ARHGAP12: variants seen among roughly 807,000 people sequenced by gnomAD.
ARHGAP12 encodes the protein Rho GTPase activating protein 12, also known as rho GTPase-activating protein 12.
ARHGAP12 carries 64 observed loss-of-function variants against 108.6 expected under a neutral mutation model. The observed-to-expected ratio is 0.59, with a 90% CI of 0.48 to 0.73. The LOEUF (loss-of-function observed/expected upper bound fraction) is 0.73. ARHGAP12 is among the 30% of genes least tolerant of loss of function. ARHGAP12 has a pLI of 0.00. For synonymous variants in ARHGAP12, 312 were observed against 337.2 expected, an observed-to-expected ratio of 0.93 and a Z score of 0.82; for missense variants, 940 against 1,005.9, an observed-to-expected ratio of 0.93 and a Z score of 0.89.
At position 31,862,806 on chromosome 10, in the gene ARHGAP12, G is replaced by A. The variant is rs570635635; in HGVS notation, c.685-1148C>T. Reference sequence around the variant, plus strand: ...AGACACTGATGAATGTCCCTTGGGGGCAAAACTGGCCCTAGTTGAGGAACC... The same window carrying A: ...AGACACTGATGAATGTCCCTTGGGGACAAAACTGGCCCTAGTTGAGGAACC... On this transcript the variant is annotated intron_variant, in intron 3 of 19. Coordinates refer to ENST00000344936, the MANE Select transcript of ARHGAP12 (RefSeq NM_018287.7). Among the ~76,000 whole-genome samples, 237 of 152,014 alleles carry A rather than the reference G, an allele frequency of 1.6e-3. 1 individual carries two copies. Among genetic ancestry groups the A allele is most frequent in the Middle Eastern group, 3.4e-3 (1 of 294 alleles).
intron 3 of ARHGAP12, among the ~76,000 whole-genome samples, chr10:31,883,085 C>G (rs186619170): frequency 1.3e-5 from 2 of 152,000 alleles, no homozygotes; most frequent in Non-Finnish European, 2.9e-5. Flanking sequence ...TATCTGAGGT[C>G]GGGAGTTTGA....
chr10:31,852,430 G>C, intron 6 of ARHGAP12, 87 bp downstream of exon 6: 2 of 1,062,580 alleles, frequency 1.9e-6, no homozygotes, highest in South Asian at 1.3e-5. Flanking sequence ...GTAGAATAAA[G>C]ATCTTAAAAT....
At chr10:31,871,760 A>T (rs1222284576) in intron 3 of ARHGAP12, among the ~76,000 whole-genome samples, 1 of 152,202 alleles carries the variant, frequency 6.6e-6, no homozygotes, top group Non-Finnish European at 1.5e-5. Context: ...CTGTATCTAG[A>T]CGGTTGACAG....
intron 16 of ARHGAP12, 49 bp downstream of exon 16, chr10:31,810,599 GA>G (rs1328045171): frequency 3.9e-6 from 5 of 1,281,854 alleles, no homozygotes; most frequent in Admixed American, 4.8e-5. Flanking sequence ...GGCAAAACAA[GA>G]AGCTGGTTTG....
chr10:31,835,967 TG>T (rs1262372110), intron 9 of ARHGAP12, among the ~76,000 whole-genome samples: 1 of 152,176 alleles, frequency 6.6e-6, no homozygotes, highest in African/African-American at 2.4e-5. Flanking sequence ...GCCACTGAAC[TG>T]TACCCTTTAA....
At chr10:31,843,327 C>T in intron 7 of ARHGAP12, 134 bp downstream of exon 7, 1 of 1,017,096 alleles carries the variant, frequency 9.8e-7, no homozygotes, top group Non-Finnish European at 1.4e-6. Flanking sequence ...AGATCAAAAG[C>T]TTAAATTAGT....
In ARHGAP12 at chr10:31,815,587, T is replaced by C. The variant is rs143232924; in HGVS notation, c.1732-1226A>G. On this transcript the variant is annotated intron_variant, in intron 13 of 19. Transcript: ENST00000344936. ...TTTCTATATAAATTTTAGAATAAGCTTGTCAAGTTCTACCAGAAAAACTAC... is the reference window on the plus strand; with the variant it reads ...TTTCTATATAAATTTTAGAATAAGCCTGTCAAGTTCTACCAGAAAAACTAC... 3.1e-4 allele frequency among the ~76,000 whole-genome samples: 47 copies of C among 152,340 alleles called. No individual in the cohort carries two copies. The East Asian group carries it at 8.5e-3, about 27-fold the overall frequency.
At chr10:31,847,469 C>G (rs1836505797) in intron 6 of ARHGAP12, among the ~76,000 whole-genome samples, 2 of 152,168 alleles carry the variant, frequency 1.3e-5, no homozygotes, top group Admixed American at 6.5e-5. Context: ...AGTCTGAAAC[C>G]TGGGCAGTAC....
intron 6 of ARHGAP12, among the ~76,000 whole-genome samples, chr10:31,850,012 C>A (rs1164567856): frequency 6.6e-6 from 1 of 152,080 alleles, no homozygotes; most frequent in Admixed American, 6.6e-5. Context: ...GATATTAGGC[C>A]GTCCTGGGAC....
intron 3 of ARHGAP12, among the ~76,000 whole-genome samples, chr10:31,897,510 G>A (rs1163898032): frequency 6.6e-6 from 1 of 152,094 alleles, no homozygotes; most frequent in East Asian, 1.9e-4. Context: ...CCTACCTTAA[G>A]TAGTATCTAA....
At position 31,831,728 on chromosome 10, in the gene ARHGAP12, T is replaced by C; in HGVS notation, c.1448+11A>G. On this transcript the variant is annotated intron_variant, in intron 10 of 19. Transcript: ENST00000344936. ...GAATCATGTAAGAACATTAAAGACT[T>C]GTGTACTTACCGAACCTTTTTCCCA... is the stretch of plus-strand genomic sequence containing the variant. 1 of 1,539,412 alleles carries C rather than the reference T, an allele frequency of 6.5e-7. No homozygotes were observed. Among genetic ancestry groups the C allele is most frequent in the Non-Finnish European group, 8.9e-7 (1 of 1,118,296 alleles).
chr10:31,838,018 CAA>C (rs1312214211), intron 9 of ARHGAP12, among the ~76,000 whole-genome samples: 1 of 152,016 alleles, frequency 6.6e-6, no homozygotes, highest in Non-Finnish European at 1.5e-5. Flanking sequence ...TAAATAATGA[CAA>C]GTTATTTTAT....
At chr10:31,833,621 A>C (rs1201605108) in intron 9 of ARHGAP12, among the ~76,000 whole-genome samples, 1 of 152,244 alleles carries the variant, frequency 6.6e-6, no homozygotes, top group Non-Finnish European at 1.5e-5. Flanking sequence ...ATAAAGAACA[A>C]AATTTGCTAC....
At chr10:31,926,455 T>G (rs1353740189) in intron 1 of ARHGAP12, among the ~76,000 whole-genome samples, 1 of 152,244 alleles carries the variant, frequency 6.6e-6, no homozygotes, top group Non-Finnish European at 1.5e-5. Context: ...TCACATCTGA[T>G]TCATACTACA....
intron 9 of ARHGAP12, among the ~76,000 whole-genome samples, chr10:31,835,910 G>A (rs1368160299): frequency 6.6e-6 from 1 of 152,006 alleles, no homozygotes; most frequent in Non-Finnish European, 1.5e-5. Flanking sequence ...GTGACGAAAA[G>A]TCCTATAACA....
chr10:31,921,099 C>G (rs1004289342), intron 1 of ARHGAP12, among the ~76,000 whole-genome samples: 1 of 151,792 alleles, frequency 6.6e-6, no homozygotes, highest in Non-Finnish European at 1.5e-5. Context: ...GAGTTTTGAA[C>G]TCCTGGTGAG....
rs1834790580 is a variant in ARHGAP12, at chr10:31,805,513, A to G, written c.*2145T>C. The G allele has an allele frequency of 6.6e-6, 1 of 152,214 alleles. No individual in the cohort carries two copies. Among genetic ancestry groups the G allele is most frequent in the Non-Finnish European group, 1.5e-5 (1 of 68,030 alleles). 9.4% of individuals were successfully genotyped at this position (152,214 alleles called of 1,614,324 possible). The stretch of plus-strand genomic sequence containing the variant: ...AACCAAGCTGTCAAGACAGGAAAAT[A>G]TTACTAGCTTTGTTATTACAAAACA... On this transcript the variant is annotated 3_prime_UTR_variant, in exon 20 of 20. Coordinates refer to ENST00000344936, the MANE Select transcript of ARHGAP12 (RefSeq NM_018287.7).
intron 1 of ARHGAP12, among the ~76,000 whole-genome samples, chr10:31,922,853 C>T (rs1839876766): frequency 6.6e-6 from 1 of 152,038 alleles, no homozygotes; most frequent in African/African-American, 2.4e-5. Context: ...ATAGGTTAGG[C>T]AAGGTAGCTC....
At chr10:31,870,475 C>G (rs926668265) in intron 3 of ARHGAP12, among the ~76,000 whole-genome samples, 4 of 152,134 alleles carry the variant, frequency 2.6e-5, no homozygotes, top group African/African-American at 9.7e-5. Context: ...GATGATCCAC[C>G]CGCCTCAGCC....
Sources: allele counts gnomAD v4.1 joint callset (sites outside exome capture counted in the v4.1 genomes callset), GRCh38; gene constraint gnomAD v4.1.1; transcripts MANE v1.5; gene names NCBI Gene and HGNC (gene_info 2026-07-23, HGNC 2026-07-21).